NCKAP5: variants seen among roughly 807,000 people sequenced by gnomAD.
The protein encoded by NCKAP5 is nck-associated protein 5.
A neutral mutation model predicts 167.0 loss-of-function variants in NCKAP5; 92 were observed. The ratio of observed to expected loss-of-function variants is 0.55; its 90% CI spans 0.47 to 0.66. NCKAP5 has a LOEUF of 0.66. Among genes scored for constraint, NCKAP5 ranks in the 30% least tolerant of loss-of-function variants. The pLI is 0.00. For missense variants in NCKAP5, 2,378 were observed against 2,315.0 expected, an observed-to-expected ratio of 1.03 and a Z score of -0.56; for synonymous variants, 891 against 877.4, an observed-to-expected ratio of 1.02 and a Z score of -0.27.
intron 6 of NCKAP5, among the ~76,000 whole-genome samples, chr2:133,090,236 C>T (rs538404833): frequency 6.6e-6 from 1 of 150,838 alleles, no homozygotes; most frequent in South Asian, 2.1e-4. Flanking sequence ...AAAGAAAAGT[C>T]TAACCCCAGA....
chr2:133,306,945 T>C (rs1005587313), intron 3 of NCKAP5, among the ~76,000 whole-genome samples: 3 of 152,194 alleles, frequency 2.0e-5, no homozygotes, highest in Admixed American at 1.3e-4. Flanking sequence ...CATCCTGTCA[T>C]CTAGGGAGAA....
At chr2:132,703,015 CA>C (rs1298447366) in intron 19 of NCKAP5, among the ~76,000 whole-genome samples, 1 of 151,778 alleles carries the variant, frequency 6.6e-6, no homozygotes, top group East Asian at 1.9e-4. Flanking sequence ...CCTGTCCCTA[CA>C]AAAAAATTTT....
the NCKAP5 span, among the ~76,000 whole-genome samples, chr2:133,612,281 A>T: frequency 5.0e-3 from 757 of 152,346 alleles, 4 homozygotes; most frequent in Non-Finnish European, 9.1e-3. Flanking sequence ...AGACATAGGC[A>T]TTGAGAAAAA....
At chr2:133,616,936 T>C in the NCKAP5 span, among the ~76,000 whole-genome samples, 1 of 152,120 alleles carries the variant, frequency 6.6e-6, no homozygotes, top group Non-Finnish European at 1.5e-5. Context: ...CAGCAGCACA[T>C]CAAGAAGGTT....
At chr2:133,648,267 A>G in the NCKAP5 span, among the ~76,000 whole-genome samples, 1 of 152,184 alleles carries the variant, frequency 6.6e-6, no homozygotes, top group Non-Finnish European at 1.5e-5. Context: ...ATATTAAAAA[A>G]AAACTGGCAA....
At chr2:133,271,069 G>A (rs1574561387) in intron 4 of NCKAP5, among the ~76,000 whole-genome samples, 2 of 150,240 alleles carry the variant, frequency 1.3e-5, no homozygotes, top group East Asian at 2.0e-4. Flanking sequence ...ACAGTGGCCC[G>A]CCACCAGGCC....
chr2:133,274,678 C>T (rs905323306), intron 4 of NCKAP5, among the ~76,000 whole-genome samples: 9 of 151,790 alleles, frequency 5.9e-5, no homozygotes, highest in Non-Finnish European at 1.3e-4. Flanking sequence ...TAGAAACAGA[C>T]TCACATTTAT....
At chr2:132,725,307 C>T (rs2105425919) in intron 19 of NCKAP5, among the ~76,000 whole-genome samples, 1 of 152,216 alleles carries the variant, frequency 6.6e-6, no homozygotes, top group East Asian at 1.9e-4. Flanking sequence ...ATTTAACTTG[C>T]CAGAGTATAT....
chr2:133,046,455 T>TAC (rs1350024346), intron 6 of NCKAP5, among the ~76,000 whole-genome samples: 2 of 152,136 alleles, frequency 1.3e-5, no homozygotes, highest in Non-Finnish European at 2.9e-5. Flanking sequence ...CATGGCTCAC[T>TAC]ACACCCTCGA....
At chr2:133,106,287 C>T (rs1191025359) in intron 6 of NCKAP5, among the ~76,000 whole-genome samples, 9 of 123,992 alleles carry the variant, frequency 7.3e-5, no homozygotes, top group African/African-American at 2.3e-4. Context: ...AGCCAGACTC[C>T]GTCTCAAAAA....
At chr2:133,024,639 A>G (rs964443378) in intron 6 of NCKAP5, among the ~76,000 whole-genome samples, 3 of 152,356 alleles carry the variant, frequency 2.0e-5, no homozygotes, top group African/African-American at 7.2e-5. Flanking sequence ...TGTGGAAGAA[A>G]GTAATTAACA....
At chr2:133,080,765 C>T (rs2080775708) in intron 6 of NCKAP5, among the ~76,000 whole-genome samples, 1 of 151,952 alleles carries the variant, frequency 6.6e-6, no homozygotes, top group African/African-American at 2.4e-5. Context: ...AAAGCAAATA[C>T]AAATGTAAAA....
Position 132,919,079 on chromosome 2 carries a change from T to C in NCKAP5, c.580-40163A>G, listed in dbSNP as rs149351515. ...CCATAGTCAAAGGGAGAAACAGAAA[T>C]TGTCCAGCTTCTTTTCCATCAACCT... On this transcript the variant is annotated intron_variant, in intron 8 of 19. Coordinates refer to ENST00000409261, the MANE Select transcript of NCKAP5 (RefSeq NM_207363.3). Among the ~76,000 whole-genome samples the C allele has an allele frequency of 5.7e-4, 87 of 152,296 alleles. 2 individuals are homozygous for C. Among genetic ancestry groups the C allele is most frequent in the African/African-American group, 1.9e-3 (79 of 41,554 alleles).
chr2:132,728,757 AC>A, intron 18 of NCKAP5, 58 bp downstream of exon 18: 1 of 1,582,006 alleles, frequency 6.3e-7, no homozygotes, highest in Non-Finnish European at 8.6e-7. Flanking sequence ...TTTAGGGTAC[AC>A]TTTTTAGAAT....
chr2:133,447,755 G>A (rs1352688295), intron 3 of NCKAP5, among the ~76,000 whole-genome samples: 1 of 151,976 alleles, frequency 6.6e-6, no homozygotes, highest in African/African-American at 2.4e-5. Flanking sequence ...CAAAATGCTG[G>A]GATTACAGGT....
chr2:133,186,403 G>A (rs529319478), intron 5 of NCKAP5, among the ~76,000 whole-genome samples: 20 of 152,104 alleles, frequency 1.3e-4, no homozygotes, highest in African/African-American at 4.6e-4. Context: ...CAGGGATATC[G>A]GCCTGCGGTT....
chr2:132,784,832 C>A lies in NCKAP5; in HGVS notation c.1979G>T (p.Arg660Met), dbSNP rs1407227326. The change falls in exon 14 of 20, where the codon AGG (arginine) becomes ATG (methionine). Residue 660 changes from arginine (R) to methionine (M), a missense_variant. Transcript: ENST00000409261. ...AGTCACACATTCTTCTGAAGAAGTC[C>A]TTTTTACAACTCTTTGCTGCTTAAT... The part of the protein sequence containing the change: ...SFIKQQRVVK[R>M]TSSEECVTVI... 6.3e-7 allele frequency: 1 copy of A among 1,577,848 alleles called. No homozygotes were observed. Among genetic ancestry groups the A allele is most frequent in the African/African-American group, 1.4e-5 (1 of 73,610 alleles).
intron 19 of NCKAP5, among the ~76,000 whole-genome samples, chr2:132,720,316 C>G (rs1689783764): frequency 6.6e-6 from 1 of 152,196 alleles, no homozygotes; most frequent in African/African-American, 2.4e-5. Context: ...AAATCCTGCT[C>G]CCCCCACTGA....
chr2:133,630,410 G>A, the NCKAP5 span, among the ~76,000 whole-genome samples: 1 of 152,172 alleles, frequency 6.6e-6, no homozygotes, highest in Non-Finnish European at 1.5e-5. Flanking sequence ...ACACGTATCT[G>A]TGAACACACT....
Sources: gnomAD v4.1 joint callset for allele counts (sites outside exome capture counted in the v4.1 genomes callset) on GRCh38, gnomAD v4.1.1 for gene constraint, MANE v1.5 for transcripts, NCBI Gene and HGNC (gene_info 2026-07-23, HGNC 2026-07-21) for gene names.